The following A2M variants were observed in gnomAD, a reference collection of about 807,000 sequenced individuals.
A2M encodes the protein C3 and PZP-like alpha-2-macroglobulin domain-containing protein 5.
In A2M, 128 loss-of-function variants were observed where a neutral mutation model predicts 183.9. That is an observed-to-expected ratio of 0.70 (90% CI 0.60 to 0.81). A2M has a LOEUF of 0.81. Ranked by LOEUF, A2M falls within the 30% of genes least tolerant of loss-of-function variation. The probability of loss-of-function intolerance (pLI) is 0.00; values close to 1 mark genes in which losing one functional copy is unlikely to be tolerated. For synonymous variants in A2M, 592 were observed against 670.8 expected (o/e 0.88, Z 1.81); for missense variants, 1,495 against 1,787.6 (o/e 0.84, Z 2.95).
rs372632979 is a variant in A2M at position 9,072,429 on chromosome 12, C to T, written c.4033G>A (p.Val1345Met). ...TCACAAGTTTGAGGCAGAGTCTGCA[C>T]TCCTAAAGCAAAGGGGAACTCTTCC... ...EKEEFPFALG[V>M]QTLPQTCDEP... Residue 1345 changes from valine to methionine, a missense_variant, in exon 31 of 36, where the codon GTG becomes ATG. By Grantham distance (21) the Val-to-Met change is conservative. Coordinates refer to ENST00000318602, the MANE Select transcript of A2M (RefSeq NM_000014.6). The T allele has an allele frequency of 5.9e-5, 96 of 1,613,590 alleles. No individual in the cohort carries two copies. The highest frequency in any genetic ancestry group is 1.7e-5 in the Admixed American group (1 of 59,908).
At chr12:9,094,950 A>G (rs780923305) in intron 17 of A2M, 23 bp downstream of exon 17, 11 of 1,284,974 alleles carry the variant, frequency 8.6e-6, no homozygotes, top group African/African-American at 1.5e-5. Flanking sequence ...TAGGCAATAT[A>G]TATTTATTAA....
Position 9,093,501 on chromosome 12 carries a change from A to C in A2M, c.2204T>G (p.Phe735Cys), listed in dbSNP as rs1238748801. ...CAAATCCCAGATCCATGTCTCAGGG[A>C]AGTACTTTCGTACGGTCTCCGTGTG... ...EPHTETVRKY[F>C]PETWIWDLVV... Residue 735 changes from phenylalanine to cysteine, a missense_variant, in exon 18 of 36, where the codon TTC (phenylalanine) becomes TGC (cysteine). By Grantham distance (205) the Phe-to-Cys change is radical. Coordinates refer to ENST00000318602, the MANE Select transcript of A2M (RefSeq NM_000014.6). The C allele has an allele frequency of 1.2e-6, 2 of 1,613,946 alleles. No individual in the cohort carries two copies. The highest frequency in any genetic ancestry group is 2.2e-5 in the East Asian group (1 of 44,880).
intron 22 of A2M, among the ~76,000 whole-genome samples, chr12:9,083,159 A>G (rs1182737882): frequency 1.3e-5 from 2 of 152,092 alleles, no homozygotes; most frequent in East Asian, 1.9e-4. Flanking sequence ...CAAACACCGC[A>G]TGTTCTCACT....
intron 4 of A2M, 37 bp downstream of exon 4, chr12:9,112,122 A>G: frequency 6.2e-7 from 1 of 1,608,064 alleles, no homozygotes; most frequent in Middle Eastern, 1.7e-4. Context: ...GCCTGTTTAT[A>G]CAGACAATCA....
chr12:9,104,172 C>T (rs1292215211), intron 11 of A2M, 67 bp downstream of exon 11: 5 of 1,495,816 alleles, frequency 3.3e-6, no homozygotes, highest in Non-Finnish European at 3.6e-6. Flanking sequence ...GAAATTTTCT[C>T]ACCCTTAGGT....
chr12:9,096,416 A>G (rs1278674827), intron 15 of A2M, among the ~76,000 whole-genome samples: 1 of 152,196 alleles, frequency 6.6e-6, no homozygotes, highest in Non-Finnish European at 1.5e-5. Flanking sequence ...TGTGGTGAGC[A>G]ACTGACTCAG....
chr12:9,110,157 G>T (rs1023735165), intron 5 of A2M, 122 bp from the exon 6 acceptor site: 2 of 1,190,616 alleles, frequency 1.7e-6, no homozygotes, highest in Non-Finnish European at 1.2e-6. Context: ...TAAAGGGTGA[G>T]TAGAGGAGAT....
Position 9,092,264 on chromosome 12 carries a change from A to G in A2M, c.2241-835T>C, listed in dbSNP as rs970451875. On this transcript the variant is annotated intron_variant, in intron 18 of 35. Coordinates refer to ENST00000318602, the MANE Select transcript of A2M (RefSeq NM_000014.6). ...ATTTGTCTATGCATCAAGCACCCCA[A>G]TGTTTACAGCTCGTACCTAAGGGTC... Among the ~76,000 whole-genome samples, 31 of 152,234 alleles carry G rather than the reference A, an allele frequency of 2.0e-4. No individual in the cohort carries two copies. The East Asian group carries it at 2.3e-3, about 11-fold the overall frequency.
chr12:9,093,585 G>A lies in A2M; in HGVS notation c.2126-6C>T, dbSNP rs1253525857. ...TCTTCCCATTACATCTGACTCTATG[G>A]TGAGTGAGGAAGAAGACATTACAAT... On this transcript the variant is annotated splice_polypyrimidine_tract_variant and splice_region_variant and intron_variant, in intron 17 of 35. Transcript: ENST00000318602. 8.9e-7 allele frequency: 1 copy of A among 1,118,014 alleles called. No individual in the cohort carries two copies. 69.3% of individuals were successfully genotyped at this position (1,118,014 alleles called of 1,614,324 possible). A position where few individuals can be genotyped will look rare whatever the true frequency, so the allele number is the denominator to read the frequency against.
Position 9,089,888 on chromosome 12 carries a change from T to TGTGGACTATA in A2M, c.2718+13_2718+14insTATAGTCCAC. 2 of 1,596,208 alleles carry TGTGGACTATA rather than the reference T, an allele frequency of 1.3e-6. No individual in the cohort carries two copies. The highest frequency in any genetic ancestry group is 1.7e-4 in the Middle Eastern group (1 of 5,924). On this transcript the variant is annotated intron_variant, in intron 21 of 35. Transcript: ENST00000318602. ...TATATTATTGTGGACTATATATTAT[T>TGTGGACTATA]TAGGTTTACTTACTTCAACCAACAG...
chr12:9,072,341 A>G lies in A2M; in HGVS notation c.4103+18T>C. 6.2e-7 allele frequency: 1 copy of G among 1,612,722 alleles called. No homozygotes were observed. Among genetic ancestry groups the G allele is most frequent in the Non-Finnish European group, 8.5e-7 (1 of 1,179,578 alleles). ...GTGGTTATTCTTAGGATTAGGTGAT[A>G]GAGTCAGAAGGTCTTACCTGACACT... On this transcript the variant is annotated intron_variant, in intron 31 of 35. Transcript: ENST00000318602.
At chr12:9,110,243 C>T (rs1592394061) in intron 5 of A2M, 71 bp downstream of exon 5, 1 of 1,281,896 alleles carries the variant, frequency 7.8e-7, no homozygotes, top group African/African-American at 1.5e-5. Flanking sequence ...ATTGTAAAAA[C>T]CTCTGAAATA....
intron 11 of A2M, among the ~76,000 whole-genome samples, chr12:9,102,181 A>G (rs2137892408): frequency 6.6e-6 from 1 of 152,290 alleles, no homozygotes; most frequent in African/African-American, 2.4e-5. Context: ...AATTAGCTGA[A>G]GTCTACCTCT....
intron 23 of A2M, 119 bp from the exon 24 acceptor site, chr12:9,079,934 C>A: frequency 9.1e-7 from 1 of 1,097,740 alleles, no homozygotes; most frequent in African/African-American, 1.6e-5. Context: ...GATGATTCTT[C>A]CAGGGATAGA....
In A2M at chr12:9,112,790, ACAGT is replaced by A. The variant is rs1592398664; in HGVS notation, c.271-258_271-255del. 9 of 466,844 alleles carry A rather than the reference ACAGT, an allele frequency of 1.9e-5. No individual in the cohort carries two copies. In the East Asian group the frequency reaches 3.4e-4, roughly 18 times the overall value. The allele number at this position is 466,844 out of a possible 1,614,324, so 28.9% of individuals were successfully genotyped here. A position where few individuals can be genotyped will look rare whatever the true frequency, so the allele number is the denominator to read the frequency against. ...TCACACCTTCATACAGCTCACAGAA[ACAGT>A]CTTGATTCAATTATACGCTGAGCTT... is the stretch of plus-strand genomic sequence containing the variant. On this transcript the variant is annotated intron_variant, in intron 2 of 35. Coordinates refer to ENST00000318602, the MANE Select transcript of A2M (RefSeq NM_000014.6).
chr12:9,110,196 T>C, intron 5 of A2M, 118 bp downstream of exon 5: 1 of 1,116,434 alleles, frequency 9.0e-7, no homozygotes, highest in Admixed American at 2.6e-5. Flanking sequence ...TCTATGGGAG[T>C]TTGAAGGCTT....
At chr12:9,078,010 T>C (rs1047506609) in intron 25 of A2M, among the ~76,000 whole-genome samples, 153 bp from the exon 26 acceptor site, 9 of 152,250 alleles carry the variant, frequency 5.9e-5, no homozygotes, top group Admixed American at 5.9e-4. Flanking sequence ...GTCTGCCTGA[T>C]TAATCTGCTA....
chr12:9,093,292 AT>A (rs1290077773), intron 18 of A2M, among the ~76,000 whole-genome samples, 172 bp downstream of exon 18: 4 of 152,178 alleles, frequency 2.6e-5, no homozygotes. Context: ...GGATGTGTTA[AT>A]TTGCTTGACT....
intron 28 of A2M, among the ~76,000 whole-genome samples, chr12:9,076,222 T>A (rs1948744562): frequency 6.6e-6 from 1 of 152,262 alleles, no homozygotes; most frequent in Non-Finnish European, 1.5e-5. Context: ...AGAACTGATA[T>A]GTTAATTGTA....
Sources: allele counts gnomAD v4.1 joint callset (sites outside exome capture counted in the v4.1 genomes callset), GRCh38; gene constraint gnomAD v4.1.1; transcripts MANE v1.5; gene names NCBI Gene and HGNC (gene_info 2026-07-23, HGNC 2026-07-21).